Variants in ZNF141 observed in about 807,000 individuals in gnomAD.
ZNF141 encodes zinc finger protein 141 (clone pHZ-44).
Under a neutral mutation model 11.3 loss-of-function variants are expected in ZNF141, and 7 were observed. The observed-to-expected ratio is 0.62, with a 90% CI of 0.35 to 1.16. ZNF141 has a LOEUF of 1.16. Among genes scored for constraint, ZNF141 ranks in the 50% most tolerant of loss-of-function variants. The pLI is 0.02. For synonymous variants in ZNF141, 183 were observed against 190.7 expected, an observed-to-expected ratio of 0.96 and a Z score of 0.33; for missense variants, 535 against 554.0, an observed-to-expected ratio of 0.97 and a Z score of 0.34.
At position 383,191 on chromosome 4, in the gene ZNF141, A is replaced by C. The variant is rs189381206; in HGVS notation, c.*9329A>C. On this transcript the variant is annotated 3_prime_UTR_variant, in exon 4 of 4. Transcript: ENST00000240499. The stretch of plus-strand genomic sequence containing the variant: ...GCCTCAGTTTACAGACAGCTCACTC[A>C]CAGAAGCAGAGCCACCTAATTCACC... 9.0e-4 allele frequency: 627 copies of C among 699,844 alleles called. 2 individuals carry two copies. In the African/African-American group the frequency reaches 9.7e-3, roughly 11 times the overall value. 43.4% of individuals were successfully genotyped at this position (699,844 alleles called of 1,614,324 possible). A position where few individuals can be genotyped will look rare whatever the true frequency, so the allele number is the denominator to read the frequency against.
At position 360,358 on chromosome 4, in the gene ZNF141, C is replaced by T. The variant is rs146201633; in HGVS notation, c.227-12306C>T. Among the ~76,000 whole-genome samples, 1,123 of 152,290 alleles carry T rather than the reference C, an allele frequency of 7.4e-3. 11 individuals carry two copies. In the Middle Eastern group the frequency reaches 0.075, roughly 10 times the overall value. On this transcript the variant is annotated intron_variant, in intron 3 of 3. Coordinates refer to ENST00000240499, the MANE Select transcript of ZNF141 (RefSeq NM_003441.4). Reference sequence around the variant, plus strand: ...CATTGTGTAATAAGTAAATGTATTGCAATGCTTCATTCTCATTAGAGCATT... The same window carrying T: ...CATTGTGTAATAAGTAAATGTATTGTAATGCTTCATTCTCATTAGAGCATT...
At chr4:346,878 T>TACACACACACACACAC (rs377666294) in intron 3 of ZNF141, among the ~76,000 whole-genome samples, 1 of 120,244 alleles carries the variant, frequency 8.3e-6, no homozygotes, top group African/African-American at 3.6e-5. Flanking sequence ...TATATATGTA[T>TACACACACACACACAC]ACACACACAC....
rs532112823 is a variant in ZNF141, at chr4:345,659, C to T, written c.226+1229C>T. Among the ~76,000 whole-genome samples, 18 of 142,436 alleles carry T rather than the reference C, an allele frequency of 1.3e-4. No individual in the cohort carries two copies. In the East Asian group the frequency reaches 2.7e-3, roughly 21 times the overall value. 93.4% of individuals were successfully genotyped at this position (142,436 alleles called of 152,430 possible). A position where few individuals can be genotyped will look rare whatever the true frequency, so the allele number is the denominator to read the frequency against. ...AGGAGAATTGCTTGAACCCAGGAGACGGAGGTTGCGGTTTGCCGAGATTTT... is the reference window on the plus strand; with the variant it reads ...AGGAGAATTGCTTGAACCCAGGAGATGGAGGTTGCGGTTTGCCGAGATTTT... On this transcript the variant is annotated intron_variant, in intron 3 of 3. Transcript: ENST00000240499.
chr4:356,255 C>G (rs116268551), intron 3 of ZNF141, among the ~76,000 whole-genome samples: 2,141 of 150,078 alleles, frequency 0.014, 54 homozygotes, highest in African/African-American at 0.048. Flanking sequence ...AAGAATAATA[C>G]TATTAATCCT....
chr4:363,048 TTTCA>T (rs1711564349), intron 3 of ZNF141, among the ~76,000 whole-genome samples: 1 of 152,226 alleles, frequency 6.6e-6, no homozygotes, highest in African/African-American at 2.4e-5. Context: ...TCCTCTTTTA[TTTCA>T]TTGAGCAGTG....
rs149751505 is a variant in ZNF141 at position 371,118 on chromosome 4, T to TTATA, written c.227-1532_227-1529dup. Among the ~76,000 whole-genome samples the TTATA allele has an allele frequency of 3.5e-3, 511 of 147,132 alleles. 2 individuals are homozygous for TTATA. The highest frequency in any genetic ancestry group is 0.011 in the African/African-American group (437 of 40,714). ...TTTTTTATATTTTTAATGTTTTCAT[T>TTATA]TATATATATATATATATTTTAATTA... On this transcript the variant is annotated intron_variant, in intron 3 of 3. Coordinates refer to ENST00000240499, the MANE Select transcript of ZNF141 (RefSeq NM_003441.4).
At chr4:351,988 A>G (rs145874418) in intron 3 of ZNF141, among the ~76,000 whole-genome samples, 45 of 152,268 alleles carry the variant, frequency 3.0e-4, no homozygotes, top group African/African-American at 1.1e-3. Context: ...AGTTTATTCT[A>G]AGGAGTATTG....
At position 381,263 on chromosome 4, in the gene ZNF141, AG is replaced by A. The variant is rs1180496228; in HGVS notation, c.*7403del. Among the ~76,000 whole-genome samples the A allele has an allele frequency of 6.6e-6, 1 of 152,144 alleles. No individual in the cohort carries two copies. Among genetic ancestry groups the A allele is most frequent in the African/African-American group, 2.4e-5 (1 of 41,432 alleles). Reference sequence around the variant, plus strand: ...ATTATCTTACACTGGCTCCCCAAATAGGTTTTTATTTGTTTATAAAACTTTA... The same window carrying A: ...ATTATCTTACACTGGCTCCCCAAATAGTTTTTATTTGTTTATAAAACTTTA... On this transcript the variant is annotated 3_prime_UTR_variant, in exon 4 of 4. Transcript: ENST00000240499.
intron 3 of ZNF141, among the ~76,000 whole-genome samples, chr4:361,387 GTT>G (rs200611005): frequency 4.6e-5 from 6 of 130,528 alleles, no homozygotes; most frequent in Admixed American, 7.6e-5. Context: ...ATATCTTTCT[GTT>G]TTTTTTTTTT....
intron 3 of ZNF141, among the ~76,000 whole-genome samples, chr4:356,901 G>A (rs538499961): frequency 1.4e-5 from 2 of 144,680 alleles, no homozygotes; most frequent in African/African-American, 5.2e-5. Flanking sequence ...TTTTTTTTTT[G>A]TAATTTCCAA....
intron 3 of ZNF141, among the ~76,000 whole-genome samples, chr4:352,913 G>C (rs999095962): frequency 9.9e-5 from 15 of 152,164 alleles, no homozygotes; most frequent in African/African-American, 3.4e-4. Context: ...GTGGGCCCCT[G>C]GAGTTTGTGA....
rs34905613 is a variant in ZNF141, at chr4:381,946, CTTT to C, written c.*8101_*8103del. ...CTAGGGCCACCACCATCTCTGGGAA[CTTT>C]TTTTTTTTTTTTTTTTGAGACGGAG... On this transcript the variant is annotated 3_prime_UTR_variant, in exon 4 of 4. Transcript: ENST00000240499. Among the ~76,000 whole-genome samples the C allele has an allele frequency of 2.8e-5, 3 of 105,914 alleles. No individual in the cohort carries two copies. Among genetic ancestry groups the C allele is most frequent in the Admixed American group, 9.1e-5 (1 of 11,014 alleles). The allele number at this position is 105,914 out of a possible 152,430, so 69.5% of individuals were successfully genotyped here.
chr4:354,789 C>T (rs1363396863), intron 3 of ZNF141, among the ~76,000 whole-genome samples: 2 of 151,900 alleles, frequency 1.3e-5, no homozygotes, highest in Non-Finnish European at 2.9e-5. Flanking sequence ...CCTTCTTTGA[C>T]CCATTGGTTG....
At chr4:351,077 C>T (rs1429784170) in intron 3 of ZNF141, among the ~76,000 whole-genome samples, 1 of 151,524 alleles carries the variant, frequency 6.6e-6, no homozygotes, top group Non-Finnish European at 1.5e-5. Flanking sequence ...AAGCATGTGG[C>T]ACCTCCCCTC....
rs1352776292 is a variant in ZNF141, at chr4:380,181, A to G, written c.*6319A>G. On this transcript the variant is annotated 3_prime_UTR_variant, in exon 4 of 4. Transcript: ENST00000240499. Reference sequence around the variant, plus strand: ...AAGATTTCCTCCCTTTTAACGTTGAATTGTATTTCCTTGTGTATACCACGT... The same window carrying G: ...AAGATTTCCTCCCTTTTAACGTTGAGTTGTATTTCCTTGTGTATACCACGT... 6.6e-6 allele frequency among the ~76,000 whole-genome samples: 1 copy of G among 152,190 alleles called. No individual in the cohort carries two copies. Among genetic ancestry groups the G allele is most frequent in the East Asian group, 1.9e-4 (1 of 5,196 alleles).
At chr4:365,795 T>A (rs1711715877) in intron 3 of ZNF141, among the ~76,000 whole-genome samples, 3 of 152,242 alleles carry the variant, frequency 2.0e-5, no homozygotes, top group Non-Finnish European at 4.4e-5. Context: ...AATCTTTATT[T>A]GCGATTGAGT....
chr4:347,851 C>CTT (rs781796028), intron 3 of ZNF141, among the ~76,000 whole-genome samples: 6 of 142,998 alleles, frequency 4.2e-5, no homozygotes, highest in Non-Finnish European at 6.2e-5. Flanking sequence ...TGGATATTAA[C>CTT]TTTTTTTTTT....
chr4:369,158 TACACAC>T (rs57543494), intron 3 of ZNF141, among the ~76,000 whole-genome samples: 2 of 150,966 alleles, frequency 1.3e-5, no homozygotes, highest in Admixed American at 6.6e-5. Context: ...TAGTGTAAGA[TACACAC>T]ACACACACAC....
chr4:354,648 T>C (rs534000570), intron 3 of ZNF141, among the ~76,000 whole-genome samples: 163 of 152,182 alleles, frequency 1.1e-3, no homozygotes, highest in Non-Finnish European at 1.4e-3. Context: ...AGGATTAAAG[T>C]TGGTTTATTT....
Sources: allele counts gnomAD v4.1 joint callset (sites outside exome capture counted in the v4.1 genomes callset), GRCh38; gene constraint gnomAD v4.1.1; transcripts MANE v1.5; gene names NCBI Gene and HGNC (gene_info 2026-07-23, HGNC 2026-07-21).